Variants in ATP1A2 observed in about 807,000 individuals in gnomAD.
ATP1A2 encodes the protein sodium/potassium-transporting ATPase subunit alpha-2.
In ATP1A2, 56 loss-of-function variants were observed where a neutral mutation model predicts 113.1. The ratio of observed to expected loss-of-function variants is 0.49; its 90% CI spans 0.40 to 0.62. ATP1A2 has a LOEUF of 0.62. ATP1A2 is among the 20% of genes least tolerant of loss of function. ATP1A2 has a pLI of 0.00. For missense variants in ATP1A2, 712 were observed against 1,357.8 expected (o/e 0.52, Z 7.47); for synonymous variants, 490 against 526.8 (o/e 0.93, Z 0.96).
In ATP1A2 at chr1:160,139,991, C is replaced by T; in HGVS notation, c.3034+7C>T. 1.9e-6 allele frequency: 3 copies of T among 1,613,200 alleles called. No individual in the cohort carries two copies. The highest frequency in any genetic ancestry group is 2.5e-6 in the Non-Finnish European group (3 of 1,179,838). ...CTGCGGCGGTATCCTGGTGGTAAGC[C>T]CCTCCACATTCCCCCCAGCAAAGTG... On this transcript the variant is annotated splice_region_variant and intron_variant, in intron 22 of 22. Transcript: ENST00000361216.
chr1:160,141,437 G>A lies in ATP1A2; in HGVS notation c.*115G>A, dbSNP rs1263958434. ...GGCATTGGGTGGCAACATTTGGGGA[G>A]AGATAATGAGGCAACTCAGCAGGCT... is the stretch of plus-strand genomic sequence containing the variant. On this transcript the variant is annotated 3_prime_UTR_variant, in exon 23 of 23. Transcript: ENST00000361216. The A allele has an allele frequency of 1.4e-6, 2 of 1,384,988 alleles. No homozygotes were observed. The highest frequency in any genetic ancestry group is 1.4e-5 in the African/African-American group (1 of 70,264). The allele number at this position is 1,384,988 out of a possible 1,614,324, so 85.8% of individuals were successfully genotyped here. A position where few individuals can be genotyped will look rare whatever the true frequency, so the allele number is the denominator to read the frequency against.
chr1:160,134,079 A>T (rs796443703), intron 13 of ATP1A2, among the ~76,000 whole-genome samples: 1 of 95,404 alleles, frequency 1.0e-5, no homozygotes, highest in Non-Finnish European at 2.1e-5. Context: ...CCCACCCCCC[A>T]CACACACATC....
In ATP1A2 at chr1:160,135,744, T is replaced by A. The variant is rs1651917584; in HGVS notation, c.2285-95T>A. On this transcript the variant is annotated intron_variant, in intron 16 of 22. Coordinates refer to ENST00000361216, the MANE Select transcript of ATP1A2 (RefSeq NM_000702.4). This position sits in a 1 kb window ranked among gnomAD's most constrained non-coding sequence, Gnocchi z 6.3. ...TTTAGCTTCCCTTGAACACAAAATCTTCCTCTCTTGGGAAGACAGGCAGCC... is the reference window on the plus strand; with the variant it reads ...TTTAGCTTCCCTTGAACACAAAATCATCCTCTCTTGGGAAGACAGGCAGCC... 7 of 1,610,690 alleles carry A rather than the reference T, an allele frequency of 4.3e-6. No individual in the cohort carries two copies. Among genetic ancestry groups the A allele is most frequent in the Non-Finnish European group, 5.9e-6 (7 of 1,177,650 alleles).
chr1:160,119,443 A>G (rs1486501366), intron 1 of ATP1A2, among the ~76,000 whole-genome samples: 2 of 152,136 alleles, frequency 1.3e-5, no homozygotes, highest in Admixed American at 6.5e-5. Flanking sequence ...CAGCCCCTCT[A>G]TGACAAGGAC....
chr1:160,119,657 G>A (rs1027489756), intron 1 of ATP1A2, among the ~76,000 whole-genome samples: 1 of 152,118 alleles, frequency 6.6e-6, no homozygotes, highest in Admixed American at 6.5e-5. Context: ...AAGGCTGGTA[G>A]TGGTGAGCCC....
chr1:160,136,046 T>C, intron 17 of ATP1A2, 53 bp downstream of exon 17: 1 of 1,613,654 alleles, frequency 6.2e-7, no homozygotes. Context: ...GATGGCACAG[T>C]GGCAGGGAGG....
At chr1:160,121,379 G>A in intron 3 of ATP1A2, 128 bp downstream of exon 3, 2 of 1,137,250 alleles carry the variant, frequency 1.8e-6, no homozygotes, top group East Asian at 2.4e-5. Flanking sequence ...CCAGAAACAA[G>A]GACTGGCCCA....
In ATP1A2 at chr1:160,127,835, C is replaced by T. The variant is rs1410573360; in HGVS notation, c.1017+15C>T. 3.2e-6 allele frequency: 5 copies of T among 1,578,576 alleles called. No homozygotes were observed. The African/African-American group carries it at 5.4e-5, about 17-fold the overall frequency. ...CCACTGTCACTGTGAGTGGGTCAGG[C>T]TGAGGTGCCACCAGGGGAGGGTCTC... On this transcript the variant is annotated intron_variant, in intron 8 of 22. Transcript: ENST00000361216.
chr1:160,139,502 G>A (rs1652064004), intron 20 of ATP1A2, 138 bp from the exon 21 acceptor site: 1 of 764,088 alleles, frequency 1.3e-6, no homozygotes, highest in African/African-American at 1.7e-5. Context: ...TAAAGCATGA[G>A]AAGAGGCTGT....
intron 22 of ATP1A2, 146 bp downstream of exon 22, chr1:160,140,130 G>C (rs1161470096): frequency 3.7e-6 from 3 of 814,852 alleles, no homozygotes; most frequent in Non-Finnish European, 4.1e-6. Flanking sequence ...GGTCCCAGGA[G>C]CCCTGACTCT....
Position 160,125,207 on chromosome 1 carries a change from C to T in ATP1A2, c.702C>T (p.Pro234=), listed in dbSNP as rs1178177248. ...TRSPEFTHEN[P]LETRNICFFS... ...CCCCCGAGTTCACCCATGAGAACCC[C>T]CTGGAGACCCGCAATATCTGTTTCT... The change falls in exon 7 of 23, where the codon CCC becomes CCT. Residue 234 remains proline, a synonymous_variant. Coordinates refer to ENST00000361216, the MANE Select transcript of ATP1A2 (RefSeq NM_000702.4). 1 of 1,614,086 alleles carries T rather than the reference C, an allele frequency of 6.2e-7. No individual in the cohort carries two copies. The highest frequency in any genetic ancestry group is 2.2e-5 in the East Asian group (1 of 44,882).
intron 1 of ATP1A2, among the ~76,000 whole-genome samples, chr1:160,120,348 C>T (rs1651352797): frequency 6.6e-6 from 1 of 152,156 alleles, no homozygotes; most frequent in South Asian, 2.1e-4. Flanking sequence ...TACCATTCCA[C>T]CACCAGACCT....
rs896076329 is a variant in ATP1A2, at chr1:160,141,890, G to A, written c.*568G>A. Reference sequence around the variant, plus strand: ...GTCGAGGCTGGTAAGGGACCTTCAGGGAGAGCTGGGCAGACAGGTGGGAGA... The same window carrying A: ...GTCGAGGCTGGTAAGGGACCTTCAGAGAGAGCTGGGCAGACAGGTGGGAGA... On this transcript the variant is annotated 3_prime_UTR_variant, in exon 23 of 23. Coordinates refer to ENST00000361216, the MANE Select transcript of ATP1A2 (RefSeq NM_000702.4). 5 of 163,908 alleles carry A rather than the reference G, an allele frequency of 3.1e-5. No homozygotes were observed. Among genetic ancestry groups the A allele is most frequent in the Admixed American group, 2.9e-4 (5 of 17,484 alleles). The allele number at this position is 163,908 out of a possible 1,614,324, so 10.2% of individuals were successfully genotyped here.
intron 22 of ATP1A2, 117 bp downstream of exon 22, chr1:160,140,101 C>CCAGGATCTGAGGGTGT: frequency 9.2e-7 from 1 of 1,084,250 alleles, no homozygotes; most frequent in Non-Finnish European, 1.4e-6. Flanking sequence ...CCTCAACACC[C>CCAGGATCTGAGGGTGT]TCAGATCCTG....
rs1553244021 is a variant in ATP1A2, at chr1:160,121,001, G to A, written c.108G>A (p.Glu36=). The change falls in exon 2 of 23, where the codon GAG becomes GAA. Residue 36 remains glutamate, a synonymous_variant. Transcript: ENST00000361216. ...AGGAACTGGATGAGCTGAAGAAGGA[G>A]GTGGCAATGGTGAGGGAACTGCTGG... ...KEKELDELKK[E]VAMDDHKLSL... is the part of the protein sequence containing the mutation. 2 of 1,614,080 alleles carry A rather than the reference G, an allele frequency of 1.2e-6. No individual in the cohort carries two copies. Among genetic ancestry groups the A allele is most frequent in the Non-Finnish European group, 8.5e-7 (1 of 1,179,962 alleles).
rs55741021 is a variant in ATP1A2, at chr1:160,128,726, G to C, written c.1092G>C (p.Thr364=). 2.5e-6 allele frequency: 4 copies of C among 1,614,032 alleles called. No homozygotes were observed. The highest frequency in any genetic ancestry group is 2.7e-5 in the African/African-American group (2 of 74,892). Reference sequence around the variant, plus strand: ...TGAAGAACCTGGAGGCGGTGGAGACGCTGGGCTCCACGTCCACCATCTGCT... The same window carrying C: ...TGAAGAACCTGGAGGCGGTGGAGACCCTGGGCTCCACGTCCACCATCTGCT... ...CLVKNLEAVE[T]LGSTSTICSD... Residue 364 remains threonine (T), a synonymous_variant, in exon 9 of 23, where the codon ACG becomes ACC. Coordinates refer to ENST00000361216, the MANE Select transcript of ATP1A2 (RefSeq NM_000702.4).
chr1:160,127,427 T>G, intron 7 of ATP1A2, 125 bp from the exon 8 acceptor site: 1 of 1,353,702 alleles, frequency 7.4e-7, no homozygotes, highest in Non-Finnish European at 1.0e-6. Flanking sequence ...CTACTGAATG[T>G]GGCCTCCAGA....
intron 8 of ATP1A2, 123 bp downstream of exon 8, chr1:160,127,943 C>A (rs1375388648): frequency 6.7e-6 from 9 of 1,337,286 alleles, no homozygotes; most frequent in African/African-American, 1.5e-5. Flanking sequence ...TTATTGGATG[C>A]GATACTCAGA....
At chr1:160,119,292 C>T (rs1651298242) in intron 1 of ATP1A2, among the ~76,000 whole-genome samples, 2 of 59,078 alleles carry the variant, frequency 3.4e-5, no homozygotes, top group South Asian at 4.5e-4. Flanking sequence ...AAGCAAACAC[C>T]TTGGCTGTGG....
Sources: allele counts gnomAD v4.1 joint callset (sites outside exome capture counted in the v4.1 genomes callset), GRCh38; gene constraint gnomAD v4.1.1; non-coding constraint Gnocchi (gnomAD v3.1); transcripts MANE v1.5; gene names NCBI Gene and HGNC (gene_info 2026-07-23, HGNC 2026-07-21).